RALGAPB: variants seen among roughly 807,000 people sequenced by gnomAD.
RALGAPB encodes the protein Ral GTPase activating protein non-catalytic subunit beta.
A neutral mutation model predicts 161.1 loss-of-function variants in RALGAPB; 25 were observed. That is an observed-to-expected ratio of 0.16 (90% CI 0.11 to 0.22). The LOEUF (loss-of-function observed/expected upper bound fraction) is 0.22. RALGAPB is among the 10% of genes least tolerant of loss of function. The pLI is 1.00. For missense variants in RALGAPB, 1,391 were observed against 1,815.2 expected (o/e 0.77, Z 4.25); for synonymous variants, 629 against 626.1 (o/e 1.00, Z -0.07).
intron 9 of RALGAPB, among the ~76,000 whole-genome samples, chr20:38,519,742 G>A (rs911758507): frequency 6.6e-6 from 1 of 152,160 alleles, no homozygotes; most frequent in South Asian, 2.1e-4. Flanking sequence ...AGTTAAAGGG[G>A]TTAGAATGCT....
chr20:38,570,017 C>A (rs779326829), intron 27 of RALGAPB, 21 bp downstream of exon 27: 1 of 1,577,638 alleles, frequency 6.3e-7, no homozygotes. Flanking sequence ...AGGACTTTGT[C>A]CATAAATAAA....
intron 19 of RALGAPB, among the ~76,000 whole-genome samples, chr20:38,548,385 T>G (rs1467230012): frequency 6.6e-6 from 1 of 152,266 alleles, no homozygotes. Flanking sequence ...ATGATCTTAG[T>G]TGATACATTA....
In RALGAPB at chr20:38,574,196, T is replaced by G. The variant is rs2088347421; in HGVS notation, c.4189T>G (p.Leu1397Val). 6.2e-7 allele frequency: 1 copy of G among 1,613,604 alleles called. No homozygotes were observed. The highest frequency in any genetic ancestry group is 8.5e-7 in the Non-Finnish European group (1 of 1,179,710). Residue 1397 changes from leucine (L) to valine (V), a missense_variant, in exon 29 of 30, where the codon TTA (leucine) becomes GTA (valine). Physicochemically the swap from Leu to Val is conservative, Grantham distance 32. This residue lies in a region of RALGAPB where 436 missense variants were observed against 527.0 expected (regional missense o/e 0.83). Transcript: ENST00000262879. ...AGTTCCTGTCATCTTCATCCACCCT[T>G]TAAACACTGGATTATTCCGGATAAA... Reference protein sequence around the residue: ...KEVPVIFIHPLNTGLFRIKIQ... With the variant: ...KEVPVIFIHPVNTGLFRIKIQ...
At chr20:38,541,430 G>A (rs2086961264) in intron 18 of RALGAPB, among the ~76,000 whole-genome samples, 1 of 152,084 alleles carries the variant, frequency 6.6e-6, no homozygotes, top group South Asian at 2.1e-4. Flanking sequence ...TATACCGTTT[G>A]ATGTTAATTC....
chr20:38,497,343 T>G lies in RALGAPB; in HGVS notation c.390-10T>G. On this transcript the variant is annotated splice_polypyrimidine_tract_variant and intron_variant, in intron 3 of 29. Transcript: ENST00000262879. ...CAGGCTTGTCAGTGATATCTGTCTG[T>G]CTTCTTCAGACAGGAACAGGGTTCC... The G allele has an allele frequency of 6.2e-7, 1 of 1,612,502 alleles. No homozygotes were observed. Among genetic ancestry groups the G allele is most frequent in the East Asian group, 2.2e-5 (1 of 44,852 alleles).
Position 38,556,015 on chromosome 20 carries a change from G to A in RALGAPB, c.3372+1939G>A, listed in dbSNP as rs142368843. 4.2e-3 allele frequency among the ~76,000 whole-genome samples: 638 copies of A among 152,150 alleles called. 3 individuals are homozygous for A. The highest frequency in any genetic ancestry group is 0.015 in the African/African-American group (607 of 41,506). On this transcript the variant is annotated intron_variant, in intron 22 of 29. Coordinates refer to ENST00000262879, the MANE Select transcript of RALGAPB (RefSeq NM_020336.4). The stretch of plus-strand genomic sequence containing the variant: ...AATAAAGCTATTAAGAAAATAATTT[G>A]GTCCCATTAGCAGTTCAGTCAGTGA...
chr20:38,494,300 C>T (rs202185711), intron 3 of RALGAPB, among the ~76,000 whole-genome samples: 20 of 152,260 alleles, frequency 1.3e-4, no homozygotes, highest in East Asian at 9.7e-4. Flanking sequence ...CAATTAAATG[C>T]GTGTTGTTTG....
intron 1 of RALGAPB, among the ~76,000 whole-genome samples, chr20:38,487,099 G>T (rs1041338294): frequency 2.0e-5 from 3 of 152,224 alleles, no homozygotes; most frequent in African/African-American, 7.2e-5. Context: ...TTTGAGTTGG[G>T]CTTTGAAGGC....
chr20:38,474,399 C>T (rs1353568776), intron 1 of RALGAPB, among the ~76,000 whole-genome samples: 2 of 152,132 alleles, frequency 1.3e-5, no homozygotes, highest in East Asian at 3.9e-4. Flanking sequence ...AAGCAGTCCT[C>T]CCACCTCAGC....
intron 25 of RALGAPB, among the ~76,000 whole-genome samples, chr20:38,566,507 C>A (rs539667438): frequency 3.3e-5 from 5 of 152,172 alleles, no homozygotes; most frequent in Admixed American, 6.5e-5. Context: ...TGTTGTGAAA[C>A]ATCTCCTATG....
intron 22 of RALGAPB, among the ~76,000 whole-genome samples, chr20:38,554,348 C>T (rs1179402411): frequency 6.6e-6 from 1 of 152,032 alleles, no homozygotes; most frequent in African/African-American, 2.4e-5. Flanking sequence ...TAACACAGTA[C>T]CCATATTACA....
intron 12 of RALGAPB, among the ~76,000 whole-genome samples, 158 bp downstream of exon 12, chr20:38,525,676 A>G (rs1350982129): frequency 6.9e-6 from 1 of 145,978 alleles, no homozygotes; most frequent in Non-Finnish European, 1.5e-5. Flanking sequence ...TTGACTTGTG[A>G]TTTTTTTTTT....
At chr20:38,566,958 A>G in intron 25 of RALGAPB, 138 bp from the exon 26 acceptor site, 1 of 1,406,890 alleles carries the variant, frequency 7.1e-7, no homozygotes, top group Non-Finnish European at 9.3e-7. Flanking sequence ...TTACAGAAAA[A>G]AGTTTGTCAG....
chr20:38,540,448 T>C (rs1474380369), intron 17 of RALGAPB, among the ~76,000 whole-genome samples: 2 of 152,208 alleles, frequency 1.3e-5, no homozygotes, highest in Non-Finnish European at 2.9e-5. Flanking sequence ...GTCTTCCTTA[T>C]AGGGAAGCAG....
chr20:38,479,680 GT>G (rs1251144343), intron 1 of RALGAPB, among the ~76,000 whole-genome samples: 2 of 152,158 alleles, frequency 1.3e-5, no homozygotes, highest in Non-Finnish European at 2.9e-5. Flanking sequence ...GAAGGTAGAG[GT>G]TTCTCTGCTA....
intron 3 of RALGAPB, among the ~76,000 whole-genome samples, chr20:38,496,505 C>T (rs1269489329): frequency 6.6e-6 from 1 of 152,074 alleles, no homozygotes; most frequent in Non-Finnish European, 1.5e-5. Flanking sequence ...GGCCAGCTTA[C>T]CACTTGCTAA....
intron 23 of RALGAPB, among the ~76,000 whole-genome samples, chr20:38,558,927 C>G (rs971878041): frequency 1.3e-5 from 2 of 152,170 alleles, no homozygotes; most frequent in Non-Finnish European, 2.9e-5. Flanking sequence ...ACTCACATTC[C>G]TTAAAAAGTT....
intron 5 of RALGAPB, chr20:38,499,893 C>T (rs1031529751): frequency 3.5e-5 from 9 of 258,608 alleles, no homozygotes; most frequent in Non-Finnish European, 6.5e-5. Flanking sequence ...TTATTTTGAT[C>T]ATTAAAATAT....
At chr20:38,542,347 T>A (rs2086998256) in intron 18 of RALGAPB, among the ~76,000 whole-genome samples, 1 of 152,160 alleles carries the variant, frequency 6.6e-6, no homozygotes, top group South Asian at 2.1e-4. Flanking sequence ...ACATGCACAG[T>A]GAAGTTGGAT....
Sources: allele counts gnomAD v4.1 joint callset (sites outside exome capture counted in the v4.1 genomes callset), GRCh38; gene constraint gnomAD v4.1.1; regional missense constraint gnomAD v4.1.1; transcripts MANE v1.5; gene names NCBI Gene and HGNC (gene_info 2026-07-23, HGNC 2026-07-21).